ARMC8: variants seen among roughly 807,000 people sequenced by gnomAD.
ARMC8 encodes armadillo repeat containing 8.
ARMC8 carries 20 observed loss-of-function variants against 99.3 expected under a neutral mutation model. The ratio of observed to expected loss-of-function variants is 0.20; its 90% CI spans 0.14 to 0.29. The LOEUF (loss-of-function observed/expected upper bound fraction) is 0.29. Among genes scored for constraint, ARMC8 ranks in the 10% least tolerant of loss-of-function variants. ARMC8 has a pLI of 1.00. For missense variants in ARMC8, 569 were observed against 809.5 expected (o/e 0.70, Z 3.60); for synonymous variants, 263 against 278.3 (o/e 0.95, Z 0.55).
At chr3:138,216,284 A>G (rs1200013592) in intron 2 of ARMC8, among the ~76,000 whole-genome samples, 1 of 152,178 alleles carries the variant, frequency 6.6e-6, no homozygotes, top group Non-Finnish European at 1.5e-5. Flanking sequence ...CAGTTTATAC[A>G]TGTAGTTGAT....
chr3:138,195,933 T>A (rs576256533), intron 1 of ARMC8, among the ~76,000 whole-genome samples: 1 of 152,214 alleles, frequency 6.6e-6, no homozygotes, highest in Admixed American at 6.5e-5. Context: ...TCTAGCATAT[T>A]CATAATGTAG....
chr3:138,256,627 T>G (rs2047424120), intron 12 of ARMC8, among the ~76,000 whole-genome samples: 1 of 151,766 alleles, frequency 6.6e-6, no homozygotes, highest in Admixed American at 6.6e-5. Context: ...AGCCAGGATG[T>G]TCTCGATGTC....
intron 1 of ARMC8, among the ~76,000 whole-genome samples, chr3:138,207,928 C>T (rs760949648): frequency 3.9e-5 from 6 of 152,126 alleles, no homozygotes; most frequent in Non-Finnish European, 7.3e-5. Flanking sequence ...TGCCTCTTTG[C>T]TTCCACTGTT....
At chr3:138,200,853 AT>A (rs756093151) in intron 1 of ARMC8, among the ~76,000 whole-genome samples, 53 of 117,570 alleles carry the variant, frequency 4.5e-4, no homozygotes, top group Non-Finnish European at 8.1e-4. Flanking sequence ...TATTATGTTT[AT>A]TGCTTTTTCT....
chr3:138,199,951 G>A (rs891593387), intron 1 of ARMC8, among the ~76,000 whole-genome samples: 1 of 152,170 alleles, frequency 6.6e-6, no homozygotes, highest in African/African-American at 2.4e-5. Context: ...GTTTCACATT[G>A]TTTTAGGGAT....
chr3:138,292,646 A>T (rs750047341), intron 21 of ARMC8, among the ~76,000 whole-genome samples: 5 of 152,182 alleles, frequency 3.3e-5, no homozygotes, highest in Non-Finnish European at 7.3e-5. Flanking sequence ...GGAATATAGA[A>T]GTGGGTTGCG....
intron 1 of ARMC8, among the ~76,000 whole-genome samples, chr3:138,205,193 C>T (rs1034782288): frequency 4.0e-5 from 6 of 150,556 alleles, no homozygotes; most frequent in African/African-American, 1.5e-4. Context: ...CTCAGCCTTC[C>T]GAGTAGCCAG....
At chr3:138,234,093 CTTTTTT>C (rs910172175) in intron 6 of ARMC8, among the ~76,000 whole-genome samples, 8 of 151,812 alleles carry the variant, frequency 5.3e-5, no homozygotes, top group African/African-American at 1.9e-4. Context: ...AGAACCAATA[CTTTTTT>C]GTTTTTGTTT....
In ARMC8 at chr3:138,283,944, A is replaced by G. The variant is rs554178923; in HGVS notation, c.1726-487A>G. Reference sequence around the variant, plus strand: ...GCTGGTGGACAGGGTCTAGGCCTTCACCCAGAAGGTCATGAGCTTAGGAGC... The same window carrying G: ...GCTGGTGGACAGGGTCTAGGCCTTCGCCCAGAAGGTCATGAGCTTAGGAGC... On this transcript the variant is annotated intron_variant, in intron 18 of 21. Transcript: ENST00000469044. Among the ~76,000 whole-genome samples, 3 of 152,238 alleles carry G rather than the reference A, an allele frequency of 2.0e-5. No homozygotes were observed. The East Asian group carries it at 5.8e-4, about 29-fold the overall frequency.
chr3:138,289,762 C>T (rs917920824), intron 20 of ARMC8, among the ~76,000 whole-genome samples: 3 of 152,146 alleles, frequency 2.0e-5, no homozygotes, highest in Middle Eastern at 3.4e-3. Flanking sequence ...CAGTGGGTCT[C>T]AAGGCTGGGT....
chr3:138,205,943 C>A (rs552201320), intron 1 of ARMC8, among the ~76,000 whole-genome samples: 2 of 152,284 alleles, frequency 1.3e-5, no homozygotes, highest in East Asian at 3.9e-4. Flanking sequence ...AAGCCACATA[C>A]GTGATTTAAA....
Position 138,244,274 on chromosome 3 carries a change from T to TTTTA in ARMC8, c.1039-798_1039-795dup, listed in dbSNP as rs1050411664. Among the ~76,000 whole-genome samples the TTTTA allele has an allele frequency of 3.9e-5, 6 of 152,074 alleles. No homozygotes were observed. The East Asian group carries it at 7.7e-4, about 20-fold the overall frequency. On this transcript the variant is annotated intron_variant, in intron 11 of 21. Transcript: ENST00000469044. Reference sequence around the variant, plus strand: ...TCTAAAAGCTTTTTATTTTATTTATTTTTATTTATTTATTTATTTTTGAGA... The same window carrying TTTTA: ...TCTAAAAGCTTTTTATTTTATTTATTTTTATTTATTTATTTATTTATTTTTGAGA...
intron 18 of ARMC8, among the ~76,000 whole-genome samples, chr3:138,282,635 CAAAAA>C (rs760470914): frequency 4.2e-5 from 2 of 47,508 alleles, no homozygotes; most frequent in Non-Finnish European, 9.3e-5. Context: ...GACTCCATCT[CAAAAA>C]AAAAAAAAAA....
At chr3:138,258,282 C>G (rs916598791) in intron 12 of ARMC8, among the ~76,000 whole-genome samples, 2 of 152,118 alleles carry the variant, frequency 1.3e-5, no homozygotes, top group Non-Finnish European at 2.9e-5. Flanking sequence ...AAGCTAAAGT[C>G]CAAGCTAAAG....
At chr3:138,246,208 G>T in intron 12 of ARMC8, 3 of 985,648 alleles carry the variant, frequency 3.0e-6, no homozygotes, top group Non-Finnish European at 3.6e-6. Context: ...AATAAGATTT[G>T]ATGTGTGAGT....
chr3:138,198,574 A>G (rs1437694452), intron 1 of ARMC8, among the ~76,000 whole-genome samples: 2 of 151,740 alleles, frequency 1.3e-5, no homozygotes, highest in African/African-American at 2.4e-5. Context: ...GTGCAGTGGC[A>G]CCGTCTCGGC....
At chr3:138,187,858 T>G in intron 1 of ARMC8, 1 of 552,984 alleles carries the variant, frequency 1.8e-6, no homozygotes. Flanking sequence ...GCGGGGTGGC[T>G]GGGCTTATAG....
At chr3:138,228,178 C>T (rs1018628599) in intron 5 of ARMC8, among the ~76,000 whole-genome samples, 1 of 152,190 alleles carries the variant, frequency 6.6e-6, no homozygotes, top group Non-Finnish European at 1.5e-5. Flanking sequence ...CGGGGTTTCG[C>T]CATGTTGGCC....
chr3:138,249,971 T>A (rs1053181263), intron 12 of ARMC8, among the ~76,000 whole-genome samples: 2 of 152,228 alleles, frequency 1.3e-5, no homozygotes, highest in Non-Finnish European at 2.9e-5. Context: ...TTAAATACTT[T>A]CTAAATGCTT....
Sources: gnomAD v4.1 joint callset for allele counts (sites outside exome capture counted in the v4.1 genomes callset) on GRCh38, gnomAD v4.1.1 for gene constraint, MANE v1.5 for transcripts, NCBI Gene and HGNC (gene_info 2026-07-23, HGNC 2026-07-21) for gene names.